The following HIVEP3 variants were observed in gnomAD, a reference collection of about 807,000 sequenced individuals.
The protein encoded by HIVEP3 is transcription factor HIVEP3.
A neutral mutation model predicts 152.8 loss-of-function variants in HIVEP3; 49 were observed. The observed-to-expected ratio is 0.32, with a 90% CI of 0.26 to 0.41. The LOEUF is 0.41. Ranked by LOEUF, HIVEP3 falls within the 10% of genes least tolerant of loss-of-function variation. HIVEP3 has a pLI of 1.00. For missense variants in HIVEP3, 2,790 were observed against 3,103.3 expected (o/e 0.90, Z 2.40); for synonymous variants, 1,269 against 1,289.0 (o/e 0.98, Z 0.33).
chr1:41,818,453 TG>T (rs1397905593), intron 1 of HIVEP3, among the ~76,000 whole-genome samples: 5 of 152,130 alleles, frequency 3.3e-5, no homozygotes, highest in Non-Finnish European at 5.9e-5. Flanking sequence ...TGTAAATCCC[TG>T]GGGGCGGGGG....
At chr1:41,606,724 TA>T (rs1224617667) in intron 3 of HIVEP3, among the ~76,000 whole-genome samples, 1 of 151,888 alleles carries the variant, frequency 6.6e-6, no homozygotes, top group Non-Finnish European at 1.5e-5. Flanking sequence ...CTTACACATT[TA>T]AAAAACTATT....
At chr1:41,790,260 T>C (rs1314737530) in intron 1 of HIVEP3, among the ~76,000 whole-genome samples, 1 of 152,090 alleles carries the variant, frequency 6.6e-6, no homozygotes, top group African/African-American at 2.4e-5. Flanking sequence ...CAAAAGGAGC[T>C]TGGCACCTCC....
intron 1 of HIVEP3, among the ~76,000 whole-genome samples, chr1:41,826,588 C>T (rs1334836100): frequency 3.3e-5 from 5 of 152,206 alleles, no homozygotes; most frequent in Non-Finnish European, 5.9e-5. Context: ...ACAGACAGGG[C>T]ACGGCTTAGG....
intron 2 of HIVEP3, among the ~76,000 whole-genome samples, chr1:41,630,911 T>A (rs920191916): frequency 6.6e-5 from 10 of 152,096 alleles, no homozygotes; most frequent in Non-Finnish European, 1.5e-4. Context: ...AATACAGTAA[T>A]AGACATAAAA....
At chr1:41,888,187 C>T (rs1330414323) in intron 1 of HIVEP3, among the ~76,000 whole-genome samples, 2 of 150,900 alleles carry the variant, frequency 1.3e-5, no homozygotes, top group African/African-American at 4.9e-5. Flanking sequence ...AGGCACCCAC[C>T]ACCACGCCCG....
At chr1:41,696,101 G>A (rs1264472877) in intron 2 of HIVEP3, among the ~76,000 whole-genome samples, 1 of 152,248 alleles carries the variant, frequency 6.6e-6, no homozygotes, top group East Asian at 1.9e-4. Context: ...AAATGGCACT[G>A]TATATTTGTA....
At chr1:41,516,844 G>A (rs1642621279) in intron 7 of HIVEP3, among the ~76,000 whole-genome samples, 3 of 152,192 alleles carry the variant, frequency 2.0e-5, no homozygotes. Context: ...TGCTCACACC[G>A]CCCTGTCTAG....
intron 1 of HIVEP3, among the ~76,000 whole-genome samples, chr1:41,791,247 A>G (rs1186703025): frequency 6.6e-6 from 1 of 151,918 alleles, no homozygotes; most frequent in African/African-American, 2.4e-5. Context: ...TTTGTGCACT[A>G]GCTGCTTTTT....
At chr1:41,573,876 G>A (rs938315639) in intron 5 of HIVEP3, among the ~76,000 whole-genome samples, 7 of 152,198 alleles carry the variant, frequency 4.6e-5, no homozygotes, top group African/African-American at 1.7e-4. Context: ...CCTGGAAGGA[G>A]GTGGAGAGGG....
intron 1 of HIVEP3, among the ~76,000 whole-genome samples, chr1:41,917,377 C>T (rs1644887264): frequency 6.6e-6 from 1 of 152,182 alleles, no homozygotes; most frequent in South Asian, 2.1e-4. Context: ...GGGCACCTGG[C>T]TGCTGTGGTT....
rs748008095 is a variant in HIVEP3 at position 41,513,562 on chromosome 1, G to T, written c.5659C>A (p.Pro1887Thr). The change falls in exon 8 of 9, where the codon CCA becomes ACA. Residue 1887 changes from proline to threonine, a missense_variant. By Grantham distance (38) the Pro-to-Thr change is conservative (BLOSUM62 -1). Around this residue, in one of 9 missense-constraint regions of HIVEP3, gnomAD observed 816 missense variants for 806.5 expected, o/e 1.01. Transcript: ENST00000372583. ...PSSEAPPPGP[P>T]HALRADSSPI... ...GAGGAGTCTGCCCGCAGTGCATGTG[G>T]TGGGCCAGGCGGGGGCGCCTCTGAG... The T allele has an allele frequency of 1.2e-6, 2 of 1,612,286 alleles. No homozygotes were observed. Among genetic ancestry groups the T allele is most frequent in the Admixed American group, 1.7e-5 (1 of 59,922 alleles).
chr1:41,850,957 CCTT>C (rs1297806782), intron 1 of HIVEP3, among the ~76,000 whole-genome samples: 1 of 152,176 alleles, frequency 6.6e-6, no homozygotes, highest in Admixed American at 6.5e-5. Flanking sequence ...ATGTCAGGCT[CCTT>C]CTGTATGTTT....
chr1:41,629,765 C>CA lies in HIVEP3; in HGVS notation c.-720-819dup, dbSNP rs537290546. ...GTCAGAATGTCTATTACTAAAAAGGCAAAAAAACAACAGATGCTGGCGAGA... is the reference window on the plus strand; with the variant it reads ...GTCAGAATGTCTATTACTAAAAAGGCAAAAAAAACAACAGATGCTGGCGAGA... On this transcript the variant is annotated intron_variant, in intron 2 of 8. Transcript: ENST00000372583. Among the ~76,000 whole-genome samples, 236 of 151,992 alleles carry CA rather than the reference C, an allele frequency of 1.6e-3. 1 individual carries two copies. The highest frequency in any genetic ancestry group is 5.5e-3 in the African/African-American group (226 of 41,430).
In HIVEP3 at chr1:41,685,683, G is replaced by C. The variant is rs184156587; in HGVS notation, c.-721+15233C>G. Among the ~76,000 whole-genome samples the C allele has an allele frequency of 2.8e-4, 42 of 152,266 alleles. No individual in the cohort carries two copies. In the East Asian group the frequency reaches 7.5e-3, roughly 27 times the overall value. The stretch of plus-strand genomic sequence containing the variant: ...CCGATTTCTACCTTGAATCCTTTTT[G>C]GAACAGAGTCAGGGTTTGAATAAAT... On this transcript the variant is annotated intron_variant, in intron 2 of 8. Transcript: ENST00000372583.
chr1:41,987,108 G>A (rs1323103568), intron 1 of HIVEP3, among the ~76,000 whole-genome samples: 1 of 152,126 alleles, frequency 6.6e-6, no homozygotes, highest in Non-Finnish European at 1.5e-5. Context: ...CATCATTGTA[G>A]GTACCAGGAA....
chr1:41,513,771 C>A, intron 7 of HIVEP3, 21 bp from the exon 8 acceptor site: 2 of 1,527,628 alleles, frequency 1.3e-6, no homozygotes, highest in South Asian at 2.6e-5. Flanking sequence ...ACACAGAAGA[C>A]CCAAGGTCAC....
chr1:41,839,417 G>A (rs1047114760), intron 1 of HIVEP3, among the ~76,000 whole-genome samples: 24 of 152,144 alleles, frequency 1.6e-4, no homozygotes, highest in African/African-American at 5.1e-4. Context: ...TCACTCTCAC[G>A]TACTGAAAAC....
intron 1 of HIVEP3, among the ~76,000 whole-genome samples, chr1:41,896,822 C>T (rs1644536538): frequency 6.6e-6 from 1 of 152,016 alleles, no homozygotes; most frequent in Non-Finnish European, 1.5e-5. Flanking sequence ...GATCTGCCTT[C>T]CTTGGTCTCC....
chr1:41,831,745 A>C (rs1642971133), intron 1 of HIVEP3, among the ~76,000 whole-genome samples: 1 of 152,200 alleles, frequency 6.6e-6, no homozygotes. Flanking sequence ...CTGCCTGTGC[A>C]CCAGGCATGA....
Sources: allele counts gnomAD v4.1 joint callset (sites outside exome capture counted in the v4.1 genomes callset), GRCh38; gene constraint gnomAD v4.1.1; regional missense constraint gnomAD v4.1.1; transcripts MANE v1.5; gene names NCBI Gene and HGNC (gene_info 2026-07-23, HGNC 2026-07-21).